Variants in PFKP observed in about 807,000 individuals in gnomAD.
PFKP encodes ATP-dependent 6-phosphofructokinase, platelet type.
Under a neutral mutation model 94.3 loss-of-function variants are expected in PFKP, and 101 were observed. The ratio of observed to expected loss-of-function variants is 1.07; its 90% confidence interval spans 0.91 to 1.26. The LOEUF (loss-of-function observed/expected upper bound fraction) is 1.26. Ranked by LOEUF, PFKP falls within the 50% of genes most tolerant of loss-of-function variation. The pLI is 0.00. For synonymous variants in PFKP, 573 were observed against 432.6 expected, an observed-to-expected ratio of 1.32 and a Z score of -4.03; for missense variants, 1,145 against 1,103.3, an observed-to-expected ratio of 1.04 and a Z score of -0.53.
rs577463695 is a variant in PFKP, at chr10:3,088,551, C to T, written c.186+6090C>T. 2.2e-4 allele frequency among the ~76,000 whole-genome samples: 33 copies of T among 152,278 alleles called. 1 individual carries two copies. Among genetic ancestry groups the T allele is most frequent in the Admixed American group, 2.0e-3 (30 of 15,288 alleles). On this transcript the variant is annotated intron_variant, in intron 2 of 21. Transcript: ENST00000381125. ...GTCACCCAGCCGAGGTGACGGCTCC[C>T]ACCTCTCTTTGCAGGGGTGGGTTTG... is the stretch of plus-strand genomic sequence containing the variant.
chr10:3,112,586 C>T (rs1836358669), intron 11 of PFKP, among the ~76,000 whole-genome samples: 1 of 152,170 alleles, frequency 6.6e-6, no homozygotes, highest in Non-Finnish European at 1.5e-5. Flanking sequence ...AAAAAGGAGT[C>T]TCCTTCTGTT....
intron 14 of PFKP, 39 bp downstream of exon 14, chr10:3,116,885 G>A (rs1333977081): frequency 1.4e-6 from 2 of 1,425,234 alleles, no homozygotes; most frequent in Middle Eastern, 1.7e-4. Flanking sequence ...TGCTTTTAAG[G>A]AAGAAGGAAG....
At chr10:3,107,358 G>T in intron 8 of PFKP, 49 bp downstream of exon 8, 1 of 1,155,382 alleles carries the variant, frequency 8.7e-7, no homozygotes. Context: ...CCTGGAAGCA[G>T]GGGAGGCTAG....
chr10:3,133,261 G>C lies in PFKP; in HGVS notation c.1969G>C (p.Glu657Gln), dbSNP rs536981324. Residue 657 changes from glutamate (E) to glutamine (Q), a missense_variant, in exon 19 of 22, where the codon GAG becomes CAG. By Grantham distance (29) the Glu-to-Gln change is conservative (BLOSUM62 2). Around this residue, in one of 3 missense-constraint regions of PFKP, gnomAD observed 1,119 missense variants for 1,062.8 expected, o/e 1.05. Transcript: ENST00000381125. ...TDFIYQLYSE[E>Q]GKGVFDCRKN... ...CTTCATTTACCAGCTGTATTCAGAA[G>C]AGGGCAAAGGCGTGTTTGACTGCAG... The C allele has an allele frequency of 1.5e-5, 25 of 1,614,208 alleles. No homozygotes were observed. The African/African-American group carries it at 3.1e-4, about 20-fold the overall frequency.
intron 2 of PFKP, among the ~76,000 whole-genome samples, chr10:3,082,733 CTTTT>C (rs1833186282): frequency 6.6e-6 from 1 of 151,732 alleles, no homozygotes; most frequent in Non-Finnish European, 1.5e-5. Context: ...TCTTTTTTTT[CTTTT>C]TTAGACAGTC....
chr10:3,068,911 C>T (rs1300988386), intron 1 of PFKP, among the ~76,000 whole-genome samples: 1 of 152,200 alleles, frequency 6.6e-6, no homozygotes, highest in Non-Finnish European at 1.5e-5. Context: ...CGGGGCCGCG[C>T]ACTGCACAGG....
intron 1 of PFKP, among the ~76,000 whole-genome samples, chr10:3,081,999 T>C (rs1018102913): frequency 7.9e-6 from 1 of 126,224 alleles, no homozygotes; most frequent in Non-Finnish European, 1.7e-5. Flanking sequence ...TTTTTTTTTT[T>C]TTTTTTTTTT....
At chr10:3,080,470 T>C (rs1194931415) in intron 1 of PFKP, among the ~76,000 whole-genome samples, 3 of 134,982 alleles carry the variant, frequency 2.2e-5, no homozygotes, top group Non-Finnish European at 4.5e-5. Context: ...TGAGCCGAGA[T>C]TGCACCACTG....
At chr10:3,088,661 G>T (rs1383916350) in intron 2 of PFKP, among the ~76,000 whole-genome samples, 1 of 151,962 alleles carries the variant, frequency 6.6e-6, no homozygotes, top group Non-Finnish European at 1.5e-5. Flanking sequence ...AATTATTATG[G>T]ATACATAATA....
chr10:3,116,734 C>T (rs368912502), intron 13 of PFKP, 42 bp from the exon 14 acceptor site: 23 of 1,489,150 alleles, frequency 1.5e-5, no homozygotes, highest in Non-Finnish European at 1.9e-5. Flanking sequence ...ACTTGCCTTT[C>T]ATTGTTCACT....
Position 3,082,460 on chromosome 10 carries a change from A to C in PFKP, c.185A>C (p.Glu62Ala), listed in dbSNP as rs1833158848. 1 of 1,603,386 alleles carries C rather than the reference A, an allele frequency of 6.2e-7. No individual in the cohort carries two copies. Among genetic ancestry groups the C allele is most frequent in the African/African-American group, 1.3e-5 (1 of 74,544 alleles). The change falls in exon 2 of 22, where the codon GAG becomes GCG. Residue 62 changes from glutamate to alanine, a missense_variant and splice_region_variant. Transcript: ENST00000381125. ...GGGGCCAAGGTGTACTTCATCTACGAGGTCAGTGTCTGCCCCTCACCCCCT... is the reference window on the plus strand; with the variant it reads ...GGGGCCAAGGTGTACTTCATCTACGCGGTCAGTGTCTGCCCCTCACCCCCT... ...YVGAKVYFIY[E>A]GYQGMVDGGS...
intron 8 of PFKP, chr10:3,107,864 G>A (rs1163508089): frequency 7.8e-7 from 1 of 1,287,034 alleles, no homozygotes; most frequent in Non-Finnish European, 1.0e-6. Context: ...AGAGGACTCT[G>A]ATACCATGGG....
chr10:3,081,781 C>T (rs200980500), intron 1 of PFKP, among the ~76,000 whole-genome samples: 21 of 152,176 alleles, frequency 1.4e-4, no homozygotes, highest in African/African-American at 3.6e-4. Flanking sequence ...TGTAAATAGA[C>T]ATGATACATT....
chr10:3,129,447 T>C, intron 16 of PFKP: 1 of 212,082 alleles, frequency 4.7e-6, no homozygotes, highest in Non-Finnish European at 9.6e-6. Flanking sequence ...CCTAACGGTG[T>C]CTGTGTCCGG....
At position 3,101,420 on chromosome 10, in the gene PFKP, G is replaced by T; in HGVS notation, c.320G>T (p.Arg107Leu). Residue 107 changes from arginine (R) to leucine (L), a missense_variant, in exon 4 of 22, where the codon CGC becomes CTC. This residue lies in a region of PFKP where 1,119 missense variants were observed against 1,062.8 expected (regional missense o/e 1.05). Coordinates refer to ENST00000381125, the MANE Select transcript of PFKP (RefSeq NM_002627.5). Reference protein sequence around the residue: ...RCQAFRTREGRLKAACNLLQR... With the variant: ...RCQAFRTREGLLKAACNLLQR... ...CAGGCCTTCCGCACGCGGGAAGGCCGCCTGAAGGCTGCTTGCAACCTGCTG... is the reference window on the plus strand; with the variant it reads ...CAGGCCTTCCGCACGCGGGAAGGCCTCCTGAAGGCTGCTTGCAACCTGCTG... 3.7e-6 allele frequency: 6 copies of T among 1,606,476 alleles called. No homozygotes were observed. Among genetic ancestry groups the T allele is most frequent in the Non-Finnish European group, 5.1e-6 (6 of 1,177,092 alleles).
rs1302042379 is a variant in PFKP, at chr10:3,118,865, T to C, written c.1526T>C (p.Phe509Ser). 6.2e-7 allele frequency: 1 copy of C among 1,611,446 alleles called. No individual in the cohort carries two copies. The highest frequency in any genetic ancestry group is 8.5e-7 in the Non-Finnish European group (1 of 1,177,910). The change falls in exon 15 of 22, where the codon TTC (phenylalanine) becomes TCC (serine). Residue 509 changes from phenylalanine (F) to serine (S), a missense_variant. By Grantham distance (155) the Phe-to-Ser change is radical. Coordinates refer to ENST00000381125, the MANE Select transcript of PFKP (RefSeq NM_002627.5). ...AACGCGCTGCTGATCATCGGTGGAT[T>C]CGAGGTACGTTACCGTTTCTCTCTT... ...SINALLIIGG[F>S]EAYLGLLELS...
rs199816665 is a variant in PFKP at position 3,118,912 on chromosome 10, C to T, written c.1530+43C>T. On this transcript the variant is annotated intron_variant, in intron 15 of 21. Transcript: ENST00000381125. The stretch of plus-strand genomic sequence containing the variant: ...TCTTGCCGGTCTTGCAGGTGTGAGC[C>T]GCGCCCTGTGTTGGCTAAACATTAA... The T allele has an allele frequency of 9.2e-5, 135 of 1,471,356 alleles. No individual in the cohort carries two copies. The African/African-American group carries it at 1.6e-3, about 17-fold the overall frequency. 91.1% of individuals were successfully genotyped at this position (1,471,356 alleles called of 1,614,324 possible).
At chr10:3,093,493 G>A (rs578089927) in intron 2 of PFKP, among the ~76,000 whole-genome samples, 27 of 152,226 alleles carry the variant, frequency 1.8e-4, no homozygotes, top group East Asian at 3.9e-4. Context: ...CCACTAACAC[G>A]CGTGCGTGCT....
chr10:3,100,788 C>CAAACTT, intron 3 of PFKP: 1 of 585,392 alleles, frequency 1.7e-6, no homozygotes, highest in East Asian at 2.7e-5. Context: ...GATCTATGTC[C>CAAACTT]CCTGGAAGTT....
Sources: gnomAD v4.1 joint callset for allele counts (sites outside exome capture counted in the v4.1 genomes callset) on GRCh38, gnomAD v4.1.1 for gene constraint, gnomAD v4.1.1 regional missense constraint, MANE v1.5 for transcripts, NCBI Gene and HGNC (gene_info 2026-07-23, HGNC 2026-07-21) for gene names.